The following VARS2 variants were observed in gnomAD, a reference collection of about 807,000 sequenced individuals.
VARS2 encodes valine--tRNA ligase, mitochondrial.
A neutral mutation model predicts 154.1 loss-of-function variants in VARS2; 105 were observed. The observed-to-expected ratio is 0.68, with a 90% CI of 0.58 to 0.80. The LOEUF is 0.80. Among genes scored for constraint, VARS2 ranks in the 30% least tolerant of loss-of-function variants. VARS2 has a pLI of 0.00. For synonymous variants in VARS2, 483 were observed against 539.5 expected, an observed-to-expected ratio of 0.90 and a Z score of 1.45; for missense variants, 1,157 against 1,361.4, an observed-to-expected ratio of 0.85 and a Z score of 2.36.
At position 30,920,360 on chromosome 6, in the gene VARS2, A is replaced by G; in HGVS notation, c.1321A>G (p.Lys441Glu). The G allele has an allele frequency of 6.2e-7, 1 of 1,613,058 alleles. No individual in the cohort carries two copies. The change falls in exon 14 of 30, where the codon AAG becomes GAG. Residue 441 changes from lysine (K) to glutamate (E), a missense_variant. Lys to Glu is a moderately conservative substitution (Grantham distance 56, BLOSUM62 1). Coordinates refer to ENST00000676266, the MANE Select transcript of VARS2 (RefSeq NM_020442.6). The surrounding 1 kb of genome is among the most constrained non-coding windows in gnomAD (Gnocchi z 4.6). The part of the protein sequence containing the change: ...QGLHRFVARE[K>E]IMSVLSEWGL... ...TCTTCACCGGTTTGTGGCCCGGGAA[A>G]AGATAATGTCTGTGCTGAGTGAATG... is the stretch of plus-strand genomic sequence containing the variant.
rs2257347 is a variant in VARS2 at position 30,924,277 on chromosome 6, A to G, written c.2467-77A>G. On this transcript the variant is annotated intron_variant, in intron 25 of 29. Coordinates refer to ENST00000676266, the MANE Select transcript of VARS2 (RefSeq NM_020442.6). ...TCTCCCAGGACCCATGGCCTGCCCC[A>G]CTGGCGGGTAGCAGTGGCTGTAGGG... 0.75 allele frequency: 1,125,857 copies of G among 1,508,088 alleles called. 423,797 individuals carry two copies. The highest frequency in any genetic ancestry group is 0.86 in the South Asian group (76,630 of 88,954). The allele number at this position is 1,508,088 out of a possible 1,614,324, so 93.4% of individuals were successfully genotyped here. A position where few individuals can be genotyped will look rare whatever the true frequency, so the allele number is the denominator to read the frequency against.
Position 30,922,195 on chromosome 6 carries a change from T to C in VARS2, c.1886T>C (p.Met629Thr), listed in dbSNP as rs1189190098. ...CTTCTGCTGTTCTGGGTGGGCCGCA[T>C]GGTCATGTTGGGGACCCAGCTCACA... ...SDLLLFWVGR[M>T]VMLGTQLTGQ... Residue 629 changes from methionine (M) to threonine (T), a missense_variant, in exon 20 of 30, where the codon ATG becomes ACG. Met to Thr is a moderately conservative substitution (Grantham distance 81). Transcript: ENST00000676266. The C allele has an allele frequency of 6.2e-7, 1 of 1,612,844 alleles. No homozygotes were observed. Among genetic ancestry groups the C allele is most frequent in the South Asian group, 1.1e-5 (1 of 91,062 alleles).
Position 30,916,864 on chromosome 6 carries a change from C to A in VARS2, c.672-14C>A. The A allele has an allele frequency of 6.2e-7, 1 of 1,614,002 alleles. No homozygotes were observed. The highest frequency in any genetic ancestry group is 1.7e-4 in the Middle Eastern group (1 of 6,060). On this transcript the variant is annotated splice_polypyrimidine_tract_variant and intron_variant, in intron 7 of 29. Transcript: ENST00000676266. This position sits in a 1 kb window ranked among gnomAD's most constrained non-coding sequence, Gnocchi z 4.0. ...TTGGGAAGTGTTTGCTGACAAGGAT[C>A]TCTCTGGGCACAGGAAAGGTGGAGA...
Position 30,925,934 on chromosome 6 carries a change from T to C in VARS2, c.3016T>C (p.Leu1006=), listed in dbSNP as rs1333571278. Residue 1006 remains leucine, a synonymous_variant, in exon 29 of 30, where the codon TTG becomes CTG. Coordinates refer to ENST00000676266, the MANE Select transcript of VARS2 (RefSeq NM_020442.6). ...LPLLAARRYK[L]QKQLDSLTAR... ...TCTGTTAGCCGCCCGAAGGTACAAGTTGCAGAAGCAGCTTGACAGCCTCAC... is the reference window on the plus strand; with the variant it reads ...TCTGTTAGCCGCCCGAAGGTACAAGCTGCAGAAGCAGCTTGACAGCCTCAC... 1 of 1,612,930 alleles carries C rather than the reference T, an allele frequency of 6.2e-7. No homozygotes were observed. Among genetic ancestry groups the C allele is most frequent in the African/African-American group, 1.3e-5 (1 of 74,928 alleles).
chr6:30,915,694 C>T, intron 4 of VARS2, 52 bp from the exon 5 acceptor site: 1 of 1,605,924 alleles, frequency 6.2e-7, no homozygotes, highest in Non-Finnish European at 8.5e-7. Flanking sequence ...AGAGGGTGCT[C>T]TTTCCCCAAT....
Position 30,923,166 on chromosome 6 carries a change from T to G in VARS2, c.2248T>G (p.Trp750Gly). 6.2e-7 allele frequency: 1 copy of G among 1,613,114 alleles called. No individual in the cohort carries two copies. Among genetic ancestry groups the G allele is most frequent in the Non-Finnish European group, 8.5e-7 (1 of 1,180,036 alleles). The change falls in exon 24 of 30, where the codon TGG (tryptophan) becomes GGG (glycine). Residue 750 changes from tryptophan to glycine, a missense_variant. By Grantham distance (184) the Trp-to-Gly change is radical. Coordinates refer to ENST00000676266, the MANE Select transcript of VARS2 (RefSeq NM_020442.6). ...QSCRHFCNKI[W>G]NALRFILNAL... is the part of the protein sequence containing the mutation. Reference sequence around the variant, plus strand: ...CTGCCGACATTTCTGCAACAAGATCTGGAATGCTCTTCGCTTTATCCTCAA... The same window carrying G: ...CTGCCGACATTTCTGCAACAAGATCGGGAATGCTCTTCGCTTTATCCTCAA...
At chr6:30,922,613 G>A in intron 21 of VARS2, 59 bp downstream of exon 21, 1 of 1,562,996 alleles carries the variant, frequency 6.4e-7, no homozygotes, top group East Asian at 2.3e-5. Flanking sequence ...GAGAGAGGAA[G>A]GCAGGCTGAG....
At chr6:30,926,082 T>G in intron 29 of VARS2, 27 bp from the exon 30 acceptor site, 1 of 1,613,004 alleles carries the variant, frequency 6.2e-7, no homozygotes, top group Non-Finnish European at 8.5e-7. Context: ...CATTCCTGGA[T>G]CCTCACCTCC....
chr6:30,921,301 C>T lies in VARS2; in HGVS notation c.1628C>T (p.Ala543Val), dbSNP rs778691603. 36 of 1,613,988 alleles carry T rather than the reference C, an allele frequency of 2.2e-5. No homozygotes were observed. The East Asian group carries it at 6.0e-4, about 27-fold the overall frequency. The change falls in exon 17 of 30, where the codon GCG becomes GTG. Residue 543 changes from alanine to valine, a missense_variant. Ala to Val is a moderately conservative substitution (Grantham distance 64). Coordinates refer to ENST00000676266, the MANE Select transcript of VARS2 (RefSeq NM_020442.6). The surrounding 1 kb of genome is among the most constrained non-coding windows in gnomAD (Gnocchi z 4.6). ...IPAYLVVEDH[A>V]QGEEDCWVVG... ...GCCTACCTGGTTGTAGAGGACCATG[C>T]GCAGGTGGGTAGGAAGAAGCACCCG...
rs1464421836 is a variant in VARS2 at position 30,916,851 on chromosome 6, T to C, written c.672-27T>C. ...ACATAGGAAGTGCTTGGGAAGTGTT[T>C]GCTGACAAGGATCTCTCTGGGCACA... On this transcript the variant is annotated intron_variant, in intron 7 of 29. Coordinates refer to ENST00000676266, the MANE Select transcript of VARS2 (RefSeq NM_020442.6). The surrounding 1 kb of genome is among the most constrained non-coding windows in gnomAD (Gnocchi z 4.0). 6.2e-7 allele frequency: 1 copy of C among 1,613,482 alleles called. No individual in the cohort carries two copies. The highest frequency in any genetic ancestry group is 1.7e-5 in the Admixed American group (1 of 59,994).
At chr6:30,915,940 A>C in intron 5 of VARS2, 41 bp from the exon 6 acceptor site, 1 of 1,614,132 alleles carries the variant, frequency 6.2e-7, no homozygotes, top group Non-Finnish European at 8.5e-7. Flanking sequence ...GAGGATAAAC[A>C]TTTAAGCTCA....
intron 26 of VARS2, 124 bp downstream of exon 26, chr6:30,924,684 G>A (rs1794734930): frequency 1.6e-6 from 1 of 624,264 alleles, no homozygotes; most frequent in East Asian, 2.8e-5. Flanking sequence ...CCCTGGGGAA[G>A]ATGGATTGTT....
rs538599447 is a variant in VARS2 at position 30,921,952 on chromosome 6, C to A, written c.1763C>A (p.Ser588Tyr). Residue 588 changes from serine to tyrosine, a missense_variant, in exon 19 of 30, where the codon TCT (serine) becomes TAT (tyrosine). Ser to Tyr is a moderately radical substitution (Grantham distance 144). Coordinates refer to ENST00000676266, the MANE Select transcript of VARS2 (RefSeq NM_020442.6). This position sits in a 1 kb window ranked among gnomAD's most constrained non-coding sequence, Gnocchi z 4.6. The part of the protein sequence containing the change: ...RDPDVLDTWF[S>Y]SALFPFSALG... ...CCTGATGTCCTAGACACATGGTTTT[C>A]TTCTGCCCTGTTCCCCTTTTCTGCC... The A allele has an allele frequency of 6.2e-7, 1 of 1,613,044 alleles. No homozygotes were observed. Among genetic ancestry groups the A allele is most frequent in the South Asian group, 1.1e-5 (1 of 91,088 alleles).
In VARS2 at chr6:30,920,738, C is replaced by A; in HGVS notation, c.1468C>A (p.Arg490=). The A allele has an allele frequency of 6.3e-7, 1 of 1,595,656 alleles. No homozygotes were observed. ...TGTCCGCTGCCAGGAAATGGGGGCC[C>A]GAGCTGCCAAGGTGAGGCTGCAGTG... The part of the protein sequence containing the change: ...WFVRCQEMGA[R]AAKAVESGAL... Residue 490 remains arginine (R), a synonymous_variant, in exon 15 of 30, where the codon CGA becomes AGA. Coordinates refer to ENST00000676266, the MANE Select transcript of VARS2 (RefSeq NM_020442.6). This position sits in a 1 kb window ranked among gnomAD's most constrained non-coding sequence, Gnocchi z 4.6.
intron 1 of VARS2, chr6:30,914,581 C>G (rs1183176284): frequency 1.6e-6 from 2 of 1,285,390 alleles, no homozygotes; most frequent in Non-Finnish European, 1.0e-6. Flanking sequence ...TGGTCACCGC[C>G]GAATCCAGAC....
At position 30,922,945 on chromosome 6, in the gene VARS2, G is replaced by A. The variant is rs1794620717; in HGVS notation, c.2154G>A (p.Leu718=). The change falls in exon 23 of 30, where the codon CTG becomes CTA. Residue 718 remains leucine, a synonymous_variant. Transcript: ENST00000676266. ...HGIPECGTDA[L]RFTLCSHGVQ... is the part of the protein sequence containing the mutation. The stretch of plus-strand genomic sequence containing the variant: ...TCCCTGAGTGTGGGACAGATGCCCT[G>A]AGATTCACACTCTGCTCCCATGGAG... 6.2e-7 allele frequency: 1 copy of A among 1,610,636 alleles called. No homozygotes were observed. Among genetic ancestry groups the A allele is most frequent in the African/African-American group, 1.3e-5 (1 of 74,890 alleles).
At chr6:30,915,949 C>T (rs749268849) in intron 5 of VARS2, 32 bp from the exon 6 acceptor site, 12 of 1,613,982 alleles carry the variant, frequency 7.4e-6, no homozygotes, top group Non-Finnish European at 8.5e-7. Context: ...CATTTAAGCT[C>T]AGGGGCTCAC....
Position 30,923,416 on chromosome 6 carries a change from T to C in VARS2, c.2377T>C (p.Cys793Arg), listed in dbSNP as rs1176994677. The change falls in exon 25 of 30, where the codon TGT (cysteine) becomes CGT (arginine). Residue 793 changes from cysteine (C) to arginine (R), a missense_variant. Transcript: ENST00000676266. The part of the protein sequence containing the change: ...LSRLALAAQE[C>R]ERGFLTRELS... ...CCGCCTTGCCCTGGCTGCCCAGGAG[T>C]GTGAGCGGGGCTTCCTCACCCGAGA... 4.3e-6 allele frequency: 7 copies of C among 1,612,094 alleles called. No homozygotes were observed. In the East Asian group the frequency reaches 1.1e-4, roughly 26 times the overall value.
Position 30,919,994 on chromosome 6 carries a change from T to C in VARS2, c.1166-95T>C. The stretch of plus-strand genomic sequence containing the variant: ...GGGAGGGAGGCACAGACAGAGAAAG[T>C]CGCAGGGGCTGGGGCGGTGCAGGTG... On this transcript the variant is annotated intron_variant, in intron 12 of 29. Transcript: ENST00000676266. This position sits in a 1 kb window ranked among gnomAD's most constrained non-coding sequence, Gnocchi z 4.5. 2.0e-6 allele frequency: 1 copy of C among 506,180 alleles called. No individual in the cohort carries two copies. The highest frequency in any genetic ancestry group is 2.7e-6 in the Non-Finnish European group (1 of 372,880). The allele number at this position is 506,180 out of a possible 1,614,324, so 31.4% of individuals were successfully genotyped here. A position where few individuals can be genotyped will look rare whatever the true frequency, so the allele number is the denominator to read the frequency against.
Sources: allele counts gnomAD v4.1 joint callset, GRCh38; gene constraint gnomAD v4.1.1; non-coding constraint Gnocchi (gnomAD v3.1); transcripts MANE v1.5; gene names NCBI Gene and HGNC (gene_info 2026-07-23, HGNC 2026-07-21).